GABARAPL1: variants seen among roughly 807,000 people sequenced by gnomAD.
GABARAPL1 encodes gamma-aminobutyric acid receptor-associated protein-like 1.
In GABARAPL1, 4 loss-of-function variants were observed where a neutral mutation model predicts 14.5. The ratio of observed to expected loss-of-function variants is 0.28; its 90% CI spans 0.14 to 0.63. The LOEUF (loss-of-function observed/expected upper bound fraction) is 0.63, where lower values mean the gene tolerates loss of function less well. Ranked by LOEUF, GABARAPL1 falls within the 30% of genes least tolerant of loss-of-function variation. GABARAPL1 has a pLI of 0.84. For missense variants in GABARAPL1, 82 were observed against 139.2 expected, an observed-to-expected ratio of 0.59 and a Z score of 2.07; for synonymous variants, 47 against 50.6, an observed-to-expected ratio of 0.93 and a Z score of 0.30.
intron 2 of GABARAPL1, among the ~76,000 whole-genome samples, chr12:10,218,455 C>T (rs1480605677): frequency 2.0e-5 from 3 of 151,936 alleles, no homozygotes; most frequent in Non-Finnish European, 2.9e-5. Context: ...TGCCTGTAGT[C>T]CCAGCTACTT....
At chr12:10,221,727 G>A in intron 3 of GABARAPL1, 60 bp from the exon 4 acceptor site, 7 of 1,582,050 alleles carry the variant, frequency 4.4e-6, no homozygotes, top group Admixed American at 1.7e-5. Context: ...GTGAGGCTCA[G>A]CATCTTAGAG....
At chr12:10,219,101 C>T (rs1428893645) in intron 2 of GABARAPL1, among the ~76,000 whole-genome samples, 1 of 151,478 alleles carries the variant, frequency 6.6e-6, no homozygotes, top group Non-Finnish European at 1.5e-5. Context: ...GGCAGATCAC[C>T]TGAGGTCAGG....
At chr12:10,220,898 C>G in intron 3 of GABARAPL1, 1 of 1,389,478 alleles carries the variant, frequency 7.2e-7, no homozygotes, top group African/African-American at 1.4e-5. Context: ...TCCTGCTATT[C>G]TGGTTGGTAG....
intron 2 of GABARAPL1, among the ~76,000 whole-genome samples, chr12:10,219,448 C>G (rs1382001706): frequency 1.3e-5 from 2 of 151,968 alleles, no homozygotes; most frequent in Non-Finnish European, 2.9e-5. Context: ...TGATTAAATA[C>G]ATCTTCTTAA....
chr12:10,221,510 C>T (rs1246173496), intron 3 of GABARAPL1: 11 of 868,180 alleles, frequency 1.3e-5, no homozygotes, highest in Non-Finnish European at 1.5e-5. Context: ...TCTATGTTCC[C>T]CTTGCTAGGA....
intron 3 of GABARAPL1, 96 bp from the exon 4 acceptor site, chr12:10,221,691 C>A (rs1949120895): frequency 7.2e-7 from 1 of 1,380,662 alleles, no homozygotes; most frequent in Non-Finnish European, 1.0e-6. Flanking sequence ...CTAATGATAC[C>A]TTCCATACCT....
chr12:10,213,582 G>A, intron 1 of GABARAPL1: 2 of 332,712 alleles, frequency 6.0e-6, no homozygotes, highest in East Asian at 7.6e-5. Context: ...CCATGGATTG[G>A]CTGCCTTTAA....
Position 10,221,915 on chromosome 12 carries a change from G to A in GABARAPL1, c.*63G>A, listed in dbSNP as rs564299575. On this transcript the variant is annotated 3_prime_UTR_variant, in exon 4 of 4. Coordinates refer to ENST00000266458, the MANE Select transcript of GABARAPL1 (RefSeq NM_031412.4). ...GGGGGTAGGGGAGGGGTGTGTGTGC[G>A]CGACATGGGGAAAGAGGGTGGCTCC... 190 of 1,477,220 alleles carry A rather than the reference G, an allele frequency of 1.3e-4. No homozygotes were observed. Among genetic ancestry groups the A allele is most frequent in the Admixed American group, 5.3e-4 (31 of 58,942 alleles). 91.5% of individuals were successfully genotyped at this position (1,477,220 alleles called of 1,614,324 possible). A position where few individuals can be genotyped will look rare whatever the true frequency, so the allele number is the denominator to read the frequency against.
At chr12:10,221,475 TC>T in intron 3 of GABARAPL1, 1 of 915,706 alleles carries the variant, frequency 1.1e-6, no homozygotes, top group Non-Finnish European at 1.3e-6. Flanking sequence ...TTAGTATATG[TC>T]CCATTATATA....
intron 2 of GABARAPL1, 78 bp downstream of exon 2, chr12:10,218,219 A>G: frequency 2.4e-6 from 2 of 845,782 alleles, no homozygotes; most frequent in South Asian, 2.7e-5. Context: ...TGAGATTGTG[A>G]GATTGAGAGG....
chr12:10,216,246 C>A (rs1265999396), intron 1 of GABARAPL1, among the ~76,000 whole-genome samples: 1 of 151,964 alleles, frequency 6.6e-6, no homozygotes, highest in Non-Finnish European at 1.5e-5. Flanking sequence ...TGGCATGCGC[C>A]TGTAATCCCT....
chr12:10,217,378 ATAAC>A (rs1329443537), intron 1 of GABARAPL1, among the ~76,000 whole-genome samples: 87 of 152,326 alleles, frequency 5.7e-4, no homozygotes, highest in Non-Finnish European at 1.2e-3. Context: ...ATGAGAAATA[ATAAC>A]TTACAGGTGA....
intron 1 of GABARAPL1, chr12:10,213,896 C>G (rs1314833409): frequency 2.2e-6 from 1 of 455,820 alleles, no homozygotes; most frequent in Non-Finnish European, 4.4e-6. Flanking sequence ...CACCTGGTAC[C>G]TGGTCGCGAT....
At chr12:10,213,668 A>C in intron 1 of GABARAPL1, 1 of 347,356 alleles carries the variant, frequency 2.9e-6, no homozygotes, top group South Asian at 2.1e-5. Flanking sequence ...GTTCTCCTTT[A>C]ATGAAGTTGA....
intron 1 of GABARAPL1, chr12:10,213,674 GTTGACTTTGGCTCTCATATCA>G: frequency 2.9e-6 from 1 of 347,706 alleles, no homozygotes; most frequent in Non-Finnish European, 5.7e-6. Flanking sequence ...CTTTAATGAA[GTTGACTTTGGCTCTCATATCA>G]TTGGTCTTGG....
At chr12:10,214,186 AGG>A in intron 1 of GABARAPL1, 1 of 234,608 alleles carries the variant, frequency 4.3e-6, no homozygotes, top group Non-Finnish European at 8.9e-6. Flanking sequence ...CTTTATCTTC[AGG>A]TAGGAACATT....
chr12:10,213,236 G>C lies in GABARAPL1; in HGVS notation c.90+17G>C, dbSNP rs938669431. The C allele has an allele frequency of 2.7e-6, 4 of 1,464,698 alleles. No individual in the cohort carries two copies. In the African/African-American group the frequency reaches 5.6e-5, roughly 20 times the overall value. 90.7% of individuals were successfully genotyped at this position (1,464,698 alleles called of 1,614,324 possible). ...AGGGTCCCCGTGAGTGTAGAGGAGCGGAGGGGATGGGAGGGGAAGGGCCCG... is the reference window on the plus strand; with the variant it reads ...AGGGTCCCCGTGAGTGTAGAGGAGCCGAGGGGATGGGAGGGGAAGGGCCCG... On this transcript the variant is annotated intron_variant, in intron 1 of 3. Coordinates refer to ENST00000266458, the MANE Select transcript of GABARAPL1 (RefSeq NM_031412.4).
chr12:10,213,275 G>T (rs1453299265), intron 1 of GABARAPL1, 56 bp downstream of exon 1: 6 of 1,112,972 alleles, frequency 5.4e-6, no homozygotes, highest in South Asian at 5.3e-5. Flanking sequence ...GGGCGGGGGC[G>T]GGTAGTCGAG....
At chr12:10,220,602 T>C in intron 3 of GABARAPL1, 44 bp downstream of exon 3, 1 of 1,613,448 alleles carries the variant, frequency 6.2e-7, no homozygotes, top group Non-Finnish European at 8.5e-7. Context: ...TCCAGTGCAG[T>C]CTGGCATCCT....
Sources: gnomAD v4.1 joint callset for allele counts (sites outside exome capture counted in the v4.1 genomes callset) on GRCh38, gnomAD v4.1.1 for gene constraint, MANE v1.5 for transcripts, NCBI Gene and HGNC (gene_info 2026-07-23, HGNC 2026-07-21) for gene names.